Variants in FXR1 observed in about 807,000 individuals in gnomAD.
FXR1 encodes the protein FMR1 autosomal homolog 1, also known as RNA-binding protein FXR1.
In FXR1, 15 loss-of-function variants were observed where a neutral mutation model predicts 84.0. The ratio of observed to expected loss-of-function variants is 0.18; its 90% confidence interval spans 0.12 to 0.27. The LOEUF is 0.27. FXR1 is among the 10% of genes least tolerant of loss of function. The pLI is 1.00. For synonymous variants in FXR1, 245 were observed against 250.7 expected (o/e 0.98, Z 0.21); for missense variants, 480 against 774.4 (o/e 0.62, Z 4.51).
At chr3:180,940,205 T>C (rs528584410) in intron 3 of FXR1, among the ~76,000 whole-genome samples, 4 of 152,242 alleles carry the variant, frequency 2.6e-5, no homozygotes, top group Non-Finnish European at 5.9e-5. Context: ...TTTATTTGCC[T>C]TTTAAAAATG....
At chr3:180,958,658 CA>C (rs1418578892) in intron 10 of FXR1, among the ~76,000 whole-genome samples, 1 of 152,050 alleles carries the variant, frequency 6.6e-6, no homozygotes, top group Non-Finnish European at 1.5e-5. Context: ...AGGTTGGTTC[CA>C]TATCTTTGCC....
chr3:180,964,719 A>T (rs1157234821), intron 13 of FXR1, among the ~76,000 whole-genome samples: 1 of 147,706 alleles, frequency 6.8e-6, no homozygotes, highest in East Asian at 2.0e-4. Context: ...CTGTAGTTTT[A>T]TCAGTTTAAT....
chr3:180,962,684 C>T (rs985593465), intron 11 of FXR1, among the ~76,000 whole-genome samples, 199 bp from the exon 12 acceptor site: 1 of 152,128 alleles, frequency 6.6e-6, no homozygotes, highest in Non-Finnish European at 1.5e-5. Context: ...GCATGTTTGG[C>T]ACACTCTAGA....
At chr3:180,935,273 A>T in intron 3 of FXR1, 42 bp downstream of exon 3, 1 of 840,896 alleles carries the variant, frequency 1.2e-6, no homozygotes, top group South Asian at 1.4e-5. Context: ...TATTTTTTTG[A>T]TTTAAATAAA....
At chr3:180,939,259 TG>T (rs1447224886) in intron 3 of FXR1, among the ~76,000 whole-genome samples, 1 of 151,910 alleles carries the variant, frequency 6.6e-6, no homozygotes, top group Non-Finnish European at 1.5e-5. Context: ...CTTATACCGG[TG>T]GGGGGGTGTG....
At chr3:180,928,516 A>G (rs1719500304) in intron 1 of FXR1, among the ~76,000 whole-genome samples, 1 of 151,824 alleles carries the variant, frequency 6.6e-6, no homozygotes, top group South Asian at 2.1e-4. Context: ...GGGCATATTG[A>G]AATTTTTATA....
chr3:180,962,306 G>T (rs953094808), intron 11 of FXR1, among the ~76,000 whole-genome samples: 1 of 152,270 alleles, frequency 6.6e-6, no homozygotes, highest in African/African-American at 2.4e-5. Flanking sequence ...TATATGAAAA[G>T]TCGCAATTAA....
chr3:180,943,884 T>TA lies in FXR1; in HGVS notation c.199-3980dup, dbSNP rs549578925. Among the ~76,000 whole-genome samples the TA allele has an allele frequency of 2.0e-4, 31 of 152,250 alleles. No homozygotes were observed. In the East Asian group the frequency reaches 6.0e-3, roughly 29 times the overall value. On this transcript the variant is annotated intron_variant, in intron 3 of 16. Transcript: ENST00000357559. ...ATTCGAACTGCCTCTCTGAGATAGT[T>TA]ACTCGAATGGGCACCTTCTTTTGGT...
intron 10 of FXR1, 95 bp from the exon 11 acceptor site, chr3:180,961,373 G>GGT: frequency 3.7e-6 from 1 of 272,210 alleles, no homozygotes; most frequent in Non-Finnish European, 7.1e-6. Flanking sequence ...AAAAAGGTGT[G>GGT]TGTGTGTGTG....
intron 10 of FXR1, among the ~76,000 whole-genome samples, chr3:180,959,926 T>A (rs1056393290): frequency 6.6e-6 from 1 of 152,148 alleles, no homozygotes; most frequent in Admixed American, 6.6e-5. Context: ...AACTAAAATG[T>A]CTTAAACCAC....
chr3:180,938,275 T>C (rs2108450042), intron 3 of FXR1, among the ~76,000 whole-genome samples: 1 of 152,348 alleles, frequency 6.6e-6, no homozygotes, highest in Non-Finnish European at 1.5e-5. Flanking sequence ...CAAAAATGTC[T>C]TCAGAATTAC....
intron 11 of FXR1, among the ~76,000 whole-genome samples, chr3:180,961,825 A>T (rs899917561): frequency 9.9e-5 from 15 of 152,206 alleles, no homozygotes; most frequent in Admixed American, 2.6e-4. Flanking sequence ...CTTTCTTAAG[A>T]AATGATTCCT....
At chr3:180,923,735 G>T (rs867397478) in intron 1 of FXR1, among the ~76,000 whole-genome samples, 1 of 151,984 alleles carries the variant, frequency 6.6e-6, no homozygotes, top group Non-Finnish European at 1.5e-5. Flanking sequence ...CCTTTATTTT[G>T]CAAATAGAGA....
intron 10 of FXR1, among the ~76,000 whole-genome samples, chr3:180,960,806 AAAATT>A (rs1242278364): frequency 6.6e-6 from 1 of 152,222 alleles, no homozygotes; most frequent in African/African-American, 2.4e-5. Context: ...ATATACTTGG[AAAATT>A]AAATTAATTA....
At chr3:180,948,124 C>G (rs1721882239) in intron 4 of FXR1, 188 bp downstream of exon 4, 1 of 607,016 alleles carries the variant, frequency 1.6e-6, no homozygotes, top group South Asian at 2.1e-5. Flanking sequence ...AAGCTGCTCT[C>G]CAGAGGTACA....
intron 8 of FXR1, 52 bp from the exon 9 acceptor site, chr3:180,953,710 T>C: frequency 1.2e-6 from 1 of 838,430 alleles, no homozygotes; most frequent in Non-Finnish European, 2.0e-6. Context: ...GGATTATGGG[T>C]TGCTCCGAGA....
intron 13 of FXR1, among the ~76,000 whole-genome samples, chr3:180,966,974 T>C (rs987204630): frequency 1.3e-5 from 2 of 151,994 alleles, no homozygotes; most frequent in East Asian, 3.9e-4. Flanking sequence ...TTGTGGTGTT[T>C]AAATAAATTT....
chr3:180,970,074 T>C, intron 14 of FXR1, 84 bp from the exon 15 acceptor site: 1 of 639,292 alleles, frequency 1.6e-6, no homozygotes, highest in South Asian at 2.2e-5. Context: ...AGTTTATTTG[T>C]CATTGATATA....
At chr3:180,915,689 A>T (rs559586316) in intron 1 of FXR1, 2 of 700,600 alleles carry the variant, frequency 2.9e-6, no homozygotes, top group South Asian at 3.0e-5. Context: ...GAAGACACAC[A>T]TTTGGCCGTA....
Sources: allele counts gnomAD v4.1 joint callset (sites outside exome capture counted in the v4.1 genomes callset), GRCh38; gene constraint gnomAD v4.1.1; transcripts MANE v1.5; gene names NCBI Gene and HGNC (gene_info 2026-07-23, HGNC 2026-07-21).